Variants in NRXN3 observed in about 807,000 individuals in gnomAD.
NRXN3 encodes neurexin 3.
NRXN3 carries 32 observed loss-of-function variants against 137.6 expected under a neutral mutation model. The observed-to-expected ratio is 0.23, with a 90% CI of 0.18 to 0.31. The LOEUF is 0.31. NRXN3 is among the 10% of genes least tolerant of loss of function. NRXN3 has a pLI of 1.00. For synonymous variants in NRXN3, 798 were observed against 784.5 expected (o/e 1.02, Z -0.29); for missense variants, 1,574 against 2,062.5 (o/e 0.76, Z 4.59).
At chr14:78,528,276 G>A (rs2096409245) in intron 4 of NRXN3, among the ~76,000 whole-genome samples, 1 of 152,154 alleles carries the variant, frequency 6.6e-6, no homozygotes, top group African/African-American at 2.4e-5. Flanking sequence ...TTGATTTTCA[G>A]TGGTTTTGCC....
intron 4 of NRXN3, chr14:78,403,634 G>A: frequency 1.2e-6 from 1 of 828,732 alleles, no homozygotes. Flanking sequence ...GCTGCACTAA[G>A]ATTTGAAGGG....
At chr14:78,987,911 A>G in intron 14 of NRXN3, 111 bp from the exon 15 acceptor site, 1 of 1,245,640 alleles carries the variant, frequency 8.0e-7, no homozygotes, top group Non-Finnish European at 1.1e-6. Context: ...GTGTCTTCAA[A>G]TGTTTGGGGG....
intron 17 of NRXN3, among the ~76,000 whole-genome samples, chr14:79,667,676 T>C (rs1419979623): frequency 1.3e-5 from 2 of 152,016 alleles, no homozygotes; most frequent in African/African-American, 4.8e-5. Context: ...ATAGAAAAGC[T>C]AAGAAACAGG....
rs72696768 is a variant in NRXN3 at position 79,612,042 on chromosome 14, C to T, written c.3445-51736C>T. Among the ~76,000 whole-genome samples, 957 of 152,168 alleles carry T rather than the reference C, an allele frequency of 6.3e-3. 6 individuals are homozygous for T. Among genetic ancestry groups the T allele is most frequent in the Middle Eastern group, 0.017 (5 of 294 alleles). Reference sequence around the variant, plus strand: ...TATATAATATGCTATGGTAATAAGACACTGAACTGTGATGCTATTATTGGG... The same window carrying T: ...TATATAATATGCTATGGTAATAAGATACTGAACTGTGATGCTATTATTGGG... On this transcript the variant is annotated intron_variant, in intron 16 of 20. Transcript: ENST00000335750.
At chr14:79,242,876 A>G (rs1455603386) in intron 15 of NRXN3, among the ~76,000 whole-genome samples, 1 of 152,216 alleles carries the variant, frequency 6.6e-6, no homozygotes, top group Non-Finnish European at 1.5e-5. Context: ...AGGCTGTTTT[A>G]CAGTGTATCA....
chr14:78,953,682 T>A (rs79501373), intron 10 of NRXN3, among the ~76,000 whole-genome samples: 7,450 of 152,264 alleles, frequency 0.049, 240 homozygotes, highest in Non-Finnish European at 0.076. Context: ...CTGAGGAGTG[T>A]TAGGTAATTT....
chr14:78,218,656 T>A (rs1259079664), intron 1 of NRXN3, among the ~76,000 whole-genome samples: 1 of 152,372 alleles, frequency 6.6e-6, no homozygotes, highest in Non-Finnish European at 1.5e-5. Flanking sequence ...TTCTAATTCA[T>A]AGCATCTGTA....
intron 1 of NRXN3, among the ~76,000 whole-genome samples, chr14:78,196,663 G>T (rs1409745983): frequency 1.3e-5 from 2 of 152,262 alleles, no homozygotes; most frequent in Non-Finnish European, 2.9e-5. Flanking sequence ...CAGTGGTTCA[G>T]AGGGCAGACA....
chr14:79,271,755 G>T (rs1005019270), intron 15 of NRXN3, among the ~76,000 whole-genome samples: 1 of 152,026 alleles, frequency 6.6e-6, no homozygotes, highest in Admixed American at 6.6e-5. Flanking sequence ...CCGTGTGGAT[G>T]ATTCCACCCC....
At chr14:79,654,344 T>TA (rs1011379700) in intron 16 of NRXN3, among the ~76,000 whole-genome samples, 5 of 151,610 alleles carry the variant, frequency 3.3e-5, no homozygotes, top group African/African-American at 7.3e-5. Context: ...AAAAAAAACT[T>TA]AAAAAAAATT....
chr14:79,123,906 CT>C (rs1198624147), intron 15 of NRXN3, among the ~76,000 whole-genome samples: 18 of 152,210 alleles, frequency 1.2e-4, no homozygotes, highest in Admixed American at 1.2e-3. Flanking sequence ...TTAGCACCCT[CT>C]GCTTATTCGT....
chr14:79,786,629 C>A (rs1473862976), intron 19 of NRXN3, among the ~76,000 whole-genome samples: 1 of 152,098 alleles, frequency 6.6e-6, no homozygotes, highest in Non-Finnish European at 1.5e-5. Context: ...GTGTGCTGTG[C>A]GACTAGCACT....
intron 1 of NRXN3, among the ~76,000 whole-genome samples, chr14:78,189,923 C>A (rs2060561864): frequency 6.6e-6 from 1 of 152,212 alleles, no homozygotes; most frequent in Admixed American, 6.5e-5. Context: ...ACTTTCCTCC[C>A]CTAGCACTCT....
intron 15 of NRXN3, among the ~76,000 whole-genome samples, chr14:79,400,971 A>G (rs966385600): frequency 1.3e-5 from 2 of 152,136 alleles, no homozygotes; most frequent in Non-Finnish European, 2.9e-5. Flanking sequence ...TGAGTCACCC[A>G]TTGGATTTTT....
intron 20 of NRXN3, among the ~76,000 whole-genome samples, chr14:79,838,064 A>G (rs1457143836): frequency 1.3e-5 from 2 of 152,026 alleles, no homozygotes; most frequent in Non-Finnish European, 2.9e-5. Flanking sequence ...AAAAGCCAAT[A>G]TATTTTGTAC....
At position 79,001,976 on chromosome 14, in the gene NRXN3, A is replaced by G. The variant is rs978121165; in HGVS notation, c.3262+13835A>G. On this transcript the variant is annotated intron_variant, in intron 15 of 20. Transcript: ENST00000335750. Reference sequence around the variant, plus strand: ...CTAAAGAAAAATGTTACCAATAAATAAAGCAAGTAGGATTTTGAGTAGATT... The same window carrying G: ...CTAAAGAAAAATGTTACCAATAAATGAAGCAAGTAGGATTTTGAGTAGATT... Among the ~76,000 whole-genome samples, 15 of 152,322 alleles carry G rather than the reference A, an allele frequency of 9.8e-5. No homozygotes were observed. In the South Asian group the frequency reaches 1.9e-3, roughly 19 times the overall value.
At chr14:79,636,149 G>T (rs995168444) in intron 16 of NRXN3, among the ~76,000 whole-genome samples, 1 of 152,120 alleles carries the variant, frequency 6.6e-6, no homozygotes, top group African/African-American at 2.4e-5. Context: ...ATATTCGTTT[G>T]ATTACATCTA....
At chr14:79,284,802 T>C (rs1007291874) in intron 15 of NRXN3, among the ~76,000 whole-genome samples, 5 of 152,160 alleles carry the variant, frequency 3.3e-5, no homozygotes, top group African/African-American at 1.2e-4. Context: ...TTTGATCTAT[T>C]GAGTGCCTTC....
intron 14 of NRXN3, among the ~76,000 whole-genome samples, chr14:78,970,991 G>T (rs1476699697): frequency 6.6e-6 from 1 of 152,188 alleles, no homozygotes; most frequent in Non-Finnish European, 1.5e-5. Context: ...GAAAGTCCTT[G>T]TTGATTGTAC....
Sources: allele counts gnomAD v4.1 joint callset (sites outside exome capture counted in the v4.1 genomes callset), GRCh38; gene constraint gnomAD v4.1.1; transcripts MANE v1.5; gene names NCBI Gene and HGNC (gene_info 2026-07-23, HGNC 2026-07-21).